The following MYO16 variants were observed in gnomAD, a reference collection of about 807,000 sequenced individuals.
MYO16 encodes myosin XVI.
MYO16 carries 94 observed loss-of-function variants against 205.3 expected under a neutral mutation model. That is an observed-to-expected ratio of 0.46 (90% CI 0.39 to 0.54). The LOEUF (loss-of-function observed/expected upper bound fraction) is 0.54. Ranked by LOEUF, MYO16 falls within the 20% of genes least tolerant of loss-of-function variation. MYO16 has a pLI of 0.00. For missense variants in MYO16, 2,315 were observed against 2,387.5 expected, an observed-to-expected ratio of 0.97 and a Z score of 0.63; for synonymous variants, 988 against 954.0, an observed-to-expected ratio of 1.04 and a Z score of -0.66.
At chr13:108,937,258 TTC>T (rs150467520) in intron 16 of MYO16, among the ~76,000 whole-genome samples, 2,426 of 148,600 alleles carry the variant, frequency 0.016, 52 homozygotes, top group African/African-American at 0.051. Flanking sequence ...TGATCTGCTT[TTC>T]TCTCTCTCTC....
intron 34 of MYO16, among the ~76,000 whole-genome samples, chr13:109,205,979 G>A (rs867870726): frequency 2.6e-5 from 4 of 152,156 alleles, no homozygotes; most frequent in Admixed American, 1.3e-4. Context: ...CAGCTAGCCC[G>A]CCTTGAATGA....
At chr13:108,744,323 C>A (rs1852962710) in intron 4 of MYO16, among the ~76,000 whole-genome samples, 1 of 152,128 alleles carries the variant, frequency 6.6e-6, no homozygotes, top group South Asian at 2.1e-4. Flanking sequence ...TTGCTAAATT[C>A]TACTCATAGT....
rs1394314811 is a variant in MYO16 at position 109,040,385 on chromosome 13, C to CACACACAGAGAGAG, written c.2797-6530_2797-6529insCACACAGAGAGAGA. Among the ~76,000 whole-genome samples the CACACACAGAGAGAG allele has an allele frequency of 2.1e-4, 24 of 113,286 alleles. No individual in the cohort carries two copies. The South Asian group carries it at 2.2e-3, about 10-fold the overall frequency. The allele number at this position is 113,286 out of a possible 152,430, so 74.3% of individuals were successfully genotyped here. ...ATACACACACACACACACACACACA[C>CACACACAGAGAGAG]AGAGAGAGAGAGAGAGAGAGAGAGA... On this transcript the variant is annotated intron_variant, in intron 23 of 34. Coordinates refer to ENST00000457511, the MANE Select transcript of MYO16 (RefSeq NM_001198950.3).
chr13:108,635,651 C>A (rs1880190431), intron 1 of MYO16, among the ~76,000 whole-genome samples: 1 of 151,966 alleles, frequency 6.6e-6, no homozygotes, highest in African/African-American at 2.4e-5. Flanking sequence ...CGGGTGCGTG[C>A]CACCACACTC....
At position 108,943,662 on chromosome 13, in the gene MYO16, G is replaced by A. The variant is rs564167868; in HGVS notation, c.1926-14026G>A. 3.3e-5 allele frequency among the ~76,000 whole-genome samples: 5 copies of A among 151,960 alleles called. No homozygotes were observed. The South Asian group carries it at 8.3e-4, about 25-fold the overall frequency. On this transcript the variant is annotated intron_variant, in intron 16 of 34. Transcript: ENST00000457511. ...GATGAGGTTTCACCATGTTGGCCAGGCTGGTCTCGAACTCCTGACCTCAAG... is the reference window on the plus strand; with the variant it reads ...GATGAGGTTTCACCATGTTGGCCAGACTGGTCTCGAACTCCTGACCTCAAG...
At chr13:109,122,592 C>A (rs1440855738) in intron 29 of MYO16, among the ~76,000 whole-genome samples, 2 of 151,342 alleles carry the variant, frequency 1.3e-5, no homozygotes, top group Admixed American at 6.6e-5. Context: ...GCAGGAGAAC[C>A]ACTTGAACCC....
rs1878454551 is a variant in MYO16, at chr13:109,162,936, G to A, written c.5165-1965G>A. Among the ~76,000 whole-genome samples the A allele has an allele frequency of 6.6e-6, 1 of 152,156 alleles. No homozygotes were observed. The highest frequency in any genetic ancestry group is 1.5e-5 in the Non-Finnish European group (1 of 68,034). On this transcript the variant is annotated intron_variant, in intron 32 of 34. Transcript: ENST00000457511. This position sits in a 1 kb window ranked among gnomAD's most constrained non-coding sequence, Gnocchi z 4.6. ...ATTCAATAATTGCTCATTGTCAAGA[G>A]CTAAAACAGTTAAGATCACCTGACT...
intron 16 of MYO16, among the ~76,000 whole-genome samples, chr13:108,947,176 T>C (rs149638547): frequency 6.6e-6 from 1 of 152,336 alleles, no homozygotes; most frequent in Non-Finnish European, 1.5e-5. Context: ...TGAAGATGCC[T>C]ATGTTAGTCG....
intron 6 of MYO16, among the ~76,000 whole-genome samples, chr13:108,794,763 GA>G (rs1233917918): frequency 6.6e-6 from 1 of 152,054 alleles, no homozygotes; most frequent in Non-Finnish European, 1.5e-5. Context: ...AGACCCAGGG[GA>G]AAAAAATTTG....
At chr13:108,849,175 GT>G (rs11309064) in intron 10 of MYO16, among the ~76,000 whole-genome samples, 32,900 of 151,900 alleles carry the variant, frequency 0.22, 3,731 homozygotes, top group South Asian at 0.29. Flanking sequence ...GTTTTTTTCT[GT>G]TTTTTTGTTT....
At chr13:108,857,975 A>G (rs1438860805) in intron 11 of MYO16, among the ~76,000 whole-genome samples, 2 of 152,212 alleles carry the variant, frequency 1.3e-5, no homozygotes, top group Non-Finnish European at 2.9e-5. Context: ...AATACAGAAA[A>G]GCTCAATCGA....
In MYO16 at chr13:108,945,267, G is replaced by T. The variant is rs1409289806; in HGVS notation, c.1926-12421G>T. Among the ~76,000 whole-genome samples, 6 of 152,248 alleles carry T rather than the reference G, an allele frequency of 3.9e-5. No individual in the cohort carries two copies. In the East Asian group the frequency reaches 1.2e-3, roughly 29 times the overall value. ...CATTAATTTTTTAATGTAAATGTAT[G>T]ATGACATTTAGACAATGTGATTGGG... On this transcript the variant is annotated intron_variant, in intron 16 of 34. Coordinates refer to ENST00000457511, the MANE Select transcript of MYO16 (RefSeq NM_001198950.3).
At chr13:108,677,992 C>T (rs915749286) in intron 2 of MYO16, among the ~76,000 whole-genome samples, 1 of 152,106 alleles carries the variant, frequency 6.6e-6, no homozygotes, top group Non-Finnish European at 1.5e-5. Flanking sequence ...TGTCAGCAGC[C>T]CAGACTGCTG....
chr13:108,892,016 G>A (rs1403122333), intron 14 of MYO16, among the ~76,000 whole-genome samples: 2 of 151,868 alleles, frequency 1.3e-5, no homozygotes, highest in Admixed American at 6.6e-5. Flanking sequence ...TAATAAATTA[G>A]TATTATTTTG....
chr13:108,506,247 G>T, the MYO16 span, among the ~76,000 whole-genome samples: 1 of 151,886 alleles, frequency 6.6e-6, no homozygotes, highest in African/African-American at 2.4e-5. Context: ...GTCTTACTTT[G>T]GATATTACTT....
rs1040164881 is a variant in MYO16, at chr13:108,676,365, A to G, written c.292+10216A>G. Among the ~76,000 whole-genome samples, 9 of 69,200 alleles carry G rather than the reference A, an allele frequency of 1.3e-4. No individual in the cohort carries two copies. The Admixed American group carries it at 1.5e-3, about 12-fold the overall frequency. 45.4% of individuals were successfully genotyped at this position (69,200 alleles called of 152,430 possible). A position where few individuals can be genotyped will look rare whatever the true frequency, so the allele number is the denominator to read the frequency against. On this transcript the variant is annotated intron_variant, in intron 2 of 34. Transcript: ENST00000457511. The stretch of plus-strand genomic sequence containing the variant: ...TTGTTTTCTGCTAATGTGTGATTAT[A>G]TGTACGCGTGTGTGTGTGTGTGTGT...
chr13:108,885,123 C>T (rs1301201368), intron 13 of MYO16, among the ~76,000 whole-genome samples: 1 of 152,166 alleles, frequency 6.6e-6, no homozygotes, highest in Non-Finnish European at 1.5e-5. Flanking sequence ...GGGCTTCCAC[C>T]CATTCTTTCT....
At chr13:108,647,207 C>G (rs1407924021) in intron 1 of MYO16, among the ~76,000 whole-genome samples, 1 of 152,080 alleles carries the variant, frequency 6.6e-6, no homozygotes, top group African/African-American at 2.4e-5. Flanking sequence ...AAGGTTCTTT[C>G]TCTTCATAAT....
At chr13:108,712,938 GA>G (rs1883781219) in intron 3 of MYO16, among the ~76,000 whole-genome samples, 3 of 152,076 alleles carry the variant, frequency 2.0e-5, no homozygotes, top group African/African-American at 7.2e-5. Flanking sequence ...CTACCCTAAA[GA>G]AATCACTTTT....
Sources: allele counts gnomAD v4.1 joint callset (sites outside exome capture counted in the v4.1 genomes callset), GRCh38; gene constraint gnomAD v4.1.1; non-coding constraint Gnocchi (gnomAD v3.1); transcripts MANE v1.5; gene names NCBI Gene and HGNC (gene_info 2026-07-23, HGNC 2026-07-21).